Variants in VTI1A observed in about 807,000 individuals in gnomAD.
The protein encoded by VTI1A is vesicle transport through interaction with t-SNAREs homolog 1A.
Under a neutral mutation model 34.9 loss-of-function variants are expected in VTI1A, and 22 were observed. That is an observed-to-expected ratio of 0.63 (90% CI 0.45 to 0.90). VTI1A has a LOEUF of 0.90. Among genes scored for constraint, VTI1A ranks in the 40% least tolerant of loss-of-function variants. VTI1A has a pLI of 0.00. For missense variants in VTI1A, 268 were observed against 275.6 expected, an observed-to-expected ratio of 0.97 and a Z score of 0.20; for synonymous variants, 87 against 97.3, an observed-to-expected ratio of 0.89 and a Z score of 0.62.
At chr10:112,739,891 C>T (rs1564907073) in intron 7 of VTI1A, among the ~76,000 whole-genome samples, 2 of 152,186 alleles carry the variant, frequency 1.3e-5, no homozygotes, top group Non-Finnish European at 2.9e-5. Flanking sequence ...ATGGCAGCTA[C>T]TCAAATAGAA....
chr10:112,606,937 T>C (rs1845108535), intron 5 of VTI1A, among the ~76,000 whole-genome samples: 1 of 152,170 alleles, frequency 6.6e-6, no homozygotes, highest in South Asian at 2.1e-4. Flanking sequence ...ATATGTTATT[T>C]CTCATCCTCG....
At chr10:112,797,406 A>C (rs1033434716) in intron 7 of VTI1A, among the ~76,000 whole-genome samples, 2 of 152,240 alleles carry the variant, frequency 1.3e-5, no homozygotes, top group Non-Finnish European at 2.9e-5. Context: ...AAAGAGGTCC[A>C]TGTCGTTAAG....
At chr10:112,731,059 C>T (rs1264868738) in intron 7 of VTI1A, among the ~76,000 whole-genome samples, 1 of 152,028 alleles carries the variant, frequency 6.6e-6, no homozygotes, top group Non-Finnish European at 1.5e-5. Context: ...TATCTGCCTT[C>T]TTTGTTGCAT....
At chr10:112,748,619 C>A (rs1278260666) in intron 7 of VTI1A, among the ~76,000 whole-genome samples, 2 of 142,142 alleles carry the variant, frequency 1.4e-5, no homozygotes, top group Non-Finnish European at 3.0e-5. Flanking sequence ...AATTTAGAAA[C>A]CTTTTTTTTT....
chr10:112,589,919 A>G (rs919438554), intron 5 of VTI1A, among the ~76,000 whole-genome samples: 8 of 152,330 alleles, frequency 5.3e-5, no homozygotes, highest in African/African-American at 1.9e-4. Context: ...GGGAATTGCA[A>G]TGTGCATTTC....
chr10:112,620,095 C>A (rs1409923488), intron 5 of VTI1A, among the ~76,000 whole-genome samples: 1 of 152,164 alleles, frequency 6.6e-6, no homozygotes, highest in Non-Finnish European at 1.5e-5. Context: ...TGTTTTTAAG[C>A]CTGGTAAGTA....
At chr10:112,822,123 C>T (rs994249629), downstream of VTI1A, among the ~76,000 whole-genome samples, 8 of 152,092 alleles carry the variant, frequency 5.3e-5, no homozygotes, top group Non-Finnish European at 1.2e-4. Flanking sequence ...AGACCCACTA[C>T]ATGAGGGAGC....
chr10:112,775,708 A>C (rs1851938851), intron 7 of VTI1A, among the ~76,000 whole-genome samples: 1 of 152,240 alleles, frequency 6.6e-6, no homozygotes, highest in Non-Finnish European at 1.5e-5. Flanking sequence ...AAAATAATAC[A>C]CTGGCCAGAA....
At chr10:112,630,213 C>T (rs1189498061) in intron 5 of VTI1A, among the ~76,000 whole-genome samples, 1 of 152,128 alleles carries the variant, frequency 6.6e-6, no homozygotes, top group East Asian at 1.9e-4. Flanking sequence ...CCCAACACTC[C>T]CACTTTCTGA....
intron 7 of VTI1A, among the ~76,000 whole-genome samples, chr10:112,712,572 A>G (rs1286259716): frequency 4.6e-5 from 7 of 152,118 alleles, no homozygotes; most frequent in African/African-American, 1.7e-4. Context: ...GTAAAAGGGT[A>G]GAATACATGC....
intron 7 of VTI1A, among the ~76,000 whole-genome samples, chr10:112,768,164 C>T (rs1428213551): frequency 1.3e-5 from 2 of 152,202 alleles, no homozygotes; most frequent in African/African-American, 2.4e-5. Context: ...AAGTGATTTA[C>T]ATAATGAAAA....
intron 7 of VTI1A, among the ~76,000 whole-genome samples, chr10:112,715,321 A>G (rs1849569237): frequency 6.6e-6 from 1 of 152,220 alleles, no homozygotes; most frequent in Non-Finnish European, 1.5e-5. Flanking sequence ...GGAGAGAGAG[A>G]ATCCCAAGCA....
chr10:112,507,767 A>G (rs544865135), intron 3 of VTI1A, among the ~76,000 whole-genome samples: 1 of 152,194 alleles, frequency 6.6e-6, no homozygotes, highest in East Asian at 1.9e-4. Flanking sequence ...GGTTGACCCT[A>G]TTACCTCACT....
intron 7 of VTI1A, among the ~76,000 whole-genome samples, chr10:112,691,262 A>AAAAT (rs67534865): frequency 0.38 from 53,190 of 139,952 alleles, 10,330 homozygotes; most frequent in Non-Finnish European, 0.41. Flanking sequence ...CTCTGCCTCA[A>AAAAT]AAATAAATAA....
intron 4 of VTI1A, among the ~76,000 whole-genome samples, chr10:112,528,149 T>G (rs1186112378): frequency 6.6e-6 from 1 of 152,120 alleles, no homozygotes; most frequent in African/African-American, 2.4e-5. Flanking sequence ...AGTCACTGAG[T>G]AAACCAAAAT....
intron 5 of VTI1A, among the ~76,000 whole-genome samples, chr10:112,567,182 AC>A (rs1851934711): frequency 6.6e-6 from 1 of 152,076 alleles, no homozygotes; most frequent in Admixed American, 6.5e-5. Flanking sequence ...AGCACAGCCC[AC>A]CATGCCCGGC....
intron 1 of VTI1A, among the ~76,000 whole-genome samples, chr10:112,452,257 A>G (rs1232801535): frequency 6.6e-6 from 1 of 152,158 alleles, no homozygotes; most frequent in African/African-American, 2.4e-5. Context: ...CTGATGGCCC[A>G]GTTATGTCTC....
intron 7 of VTI1A, among the ~76,000 whole-genome samples, chr10:112,773,398 C>T (rs887047988): frequency 1.3e-5 from 2 of 152,192 alleles, no homozygotes; most frequent in Non-Finnish European, 2.9e-5. Context: ...TGAACACTAA[C>T]TGAACTGCTG....
At chr10:112,707,019 A>G (rs1274101178) in intron 7 of VTI1A, among the ~76,000 whole-genome samples, 1 of 152,122 alleles carries the variant, frequency 6.6e-6, no homozygotes, top group Non-Finnish European at 1.5e-5. Context: ...AAACAATAAA[A>G]CCTAAACGTT....
Sources: gnomAD v4.1 joint callset for allele counts (sites outside exome capture counted in the v4.1 genomes callset) on GRCh38, gnomAD v4.1.1 for gene constraint, MANE v1.5 for transcripts, NCBI Gene and HGNC (gene_info 2026-07-23, HGNC 2026-07-21) for gene names.